Variants in PHYHIPL observed in about 807,000 individuals in gnomAD.
The protein encoded by PHYHIPL is phytanoyl-CoA 2-hydroxylase interacting protein like.
PHYHIPL carries 9 observed loss-of-function variants against 33.4 expected under a neutral mutation model. The observed-to-expected ratio is 0.27, with a 90% CI of 0.16 to 0.47. The LOEUF (loss-of-function observed/expected upper bound fraction) is 0.47. Among genes scored for constraint, PHYHIPL ranks in the 20% least tolerant of loss-of-function variants. The probability of loss-of-function intolerance (pLI) is 0.99; values close to 1 mark genes in which losing one functional copy is unlikely to be tolerated. For synonymous variants in PHYHIPL, 153 were observed against 154.1 expected, an observed-to-expected ratio of 0.99 and a Z score of 0.05; for missense variants, 365 against 460.7, an observed-to-expected ratio of 0.79 and a Z score of 1.90.
intron 1 of PHYHIPL, among the ~76,000 whole-genome samples, chr10:59,220,099 C>T (rs905087711): frequency 2.6e-5 from 4 of 151,960 alleles, no homozygotes; most frequent in Non-Finnish European, 5.9e-5. Flanking sequence ...GCCCCTTTTC[C>T]TGTTTTATTT....
At chr10:59,184,448 T>C (rs1044554826) in intron 1 of PHYHIPL, among the ~76,000 whole-genome samples, 2 of 152,140 alleles carry the variant, frequency 1.3e-5, no homozygotes, top group African/African-American at 2.4e-5. Context: ...GGGAAAAAAC[T>C]GTGTACTCAT....
chr10:59,185,726 C>T (rs979302777), intron 1 of PHYHIPL, among the ~76,000 whole-genome samples: 4 of 152,172 alleles, frequency 2.6e-5, no homozygotes, highest in Non-Finnish European at 4.4e-5. Context: ...TAATGATGAG[C>T]ATTTTTTCAT....
At chr10:59,193,822 C>G (rs1457053777) in intron 1 of PHYHIPL, among the ~76,000 whole-genome samples, 3 of 152,020 alleles carry the variant, frequency 2.0e-5, no homozygotes, top group Non-Finnish European at 4.4e-5. Flanking sequence ...TAGCTTGATA[C>G]AACTTTTTTG....
chr10:59,202,420 G>A (rs1839147397), intron 1 of PHYHIPL, among the ~76,000 whole-genome samples: 1 of 152,144 alleles, frequency 6.6e-6, no homozygotes, highest in East Asian at 1.9e-4. Flanking sequence ...AAAATTTGAA[G>A]CATTAGAGTA....
intron 1 of PHYHIPL, among the ~76,000 whole-genome samples, chr10:59,178,845 A>G (rs1490559867): frequency 6.6e-6 from 1 of 152,126 alleles, no homozygotes; most frequent in African/African-American, 2.4e-5. Flanking sequence ...CAAATTAGGA[A>G]TCCCACAAAA....
At chr10:59,180,326 A>G (rs1276156540) in intron 1 of PHYHIPL, among the ~76,000 whole-genome samples, 511 of 45,328 alleles carry the variant, frequency 0.011, 11 homozygotes, top group African/African-American at 0.033. Context: ...ATATATATAT[A>G]TATATATATA....
chr10:59,182,849 G>A (rs1589255881), intron 1 of PHYHIPL, among the ~76,000 whole-genome samples: 1 of 152,118 alleles, frequency 6.6e-6, no homozygotes, highest in African/African-American at 2.4e-5. Context: ...AGGCAACATG[G>A]AAAGTGATCA....
At chr10:59,191,342 C>A (rs1299840493) in intron 1 of PHYHIPL, among the ~76,000 whole-genome samples, 1 of 151,906 alleles carries the variant, frequency 6.6e-6, no homozygotes, top group Non-Finnish European at 1.5e-5. Context: ...TTTTTGACAG[C>A]AGCTCACTCA....
At chr10:59,227,975 G>GAGAGATATATATATATATATATATAT (rs10530291) in intron 1 of PHYHIPL, among the ~76,000 whole-genome samples, 27 of 145,562 alleles carry the variant, frequency 1.9e-4, no homozygotes, top group South Asian at 6.6e-4. Flanking sequence ...TGCCTATTGA[G>GAGAGATATATATATATATATATATAT]ATATATATAT....
At chr10:59,234,044 G>A (rs1840155946) in intron 1 of PHYHIPL, among the ~76,000 whole-genome samples, 5 of 151,654 alleles carry the variant, frequency 3.3e-5, no homozygotes, top group Admixed American at 3.3e-4. Flanking sequence ...AAATTGATTG[G>A]TCATGTAGAA....
rs370517773 is a variant in PHYHIPL, at chr10:59,204,152, A to G, written c.106+27193A>G. On this transcript the variant is annotated intron_variant, in intron 1 of 4. Coordinates refer to ENST00000373880, the MANE Select transcript of PHYHIPL (RefSeq NM_032439.4). Reference sequence around the variant, plus strand: ...AACCAAGTTTCTGAAAACTTTATATAAAGAACTATTATAAGTAAAACAAAC... The same window carrying G: ...AACCAAGTTTCTGAAAACTTTATATGAAGAACTATTATAAGTAAAACAAAC... Among the ~76,000 whole-genome samples, 69 of 152,334 alleles carry G rather than the reference A, an allele frequency of 4.5e-4. 1 individual carries two copies. The East Asian group carries it at 7.5e-3, about 17-fold the overall frequency.
chr10:59,233,923 G>A (rs1348869804), intron 1 of PHYHIPL, among the ~76,000 whole-genome samples: 3 of 151,738 alleles, frequency 2.0e-5, no homozygotes, highest in Non-Finnish European at 4.4e-5. Context: ...GACTGTCACT[G>A]CTAGGTCATG....
intron 1 of PHYHIPL, among the ~76,000 whole-genome samples, chr10:59,180,196 G>T (rs1838364191): frequency 6.8e-6 from 1 of 147,572 alleles, no homozygotes; most frequent in Non-Finnish European, 1.5e-5. Context: ...AGACAAAACA[G>T]CTCCCACCCC....
At position 59,176,689 on chromosome 10, in the gene PHYHIPL, GGC is replaced by G; in HGVS notation, c.-163_-162del. 2 of 600,800 alleles carry G rather than the reference GGC, an allele frequency of 3.3e-6. No individual in the cohort carries two copies. Among genetic ancestry groups the G allele is most frequent in the South Asian group, 4.2e-5 (2 of 47,956 alleles). The allele number at this position is 600,800 out of a possible 1,614,324, so 37.2% of individuals were successfully genotyped here. Reference sequence around the variant, plus strand: ...CTCCTGCCACAGCCGTCGCCTTCGCGGCGGCTCTCCAGCCCCGCGCCTCAGCC... The same window carrying G: ...CTCCTGCCACAGCCGTCGCCTTCGCGGGCTCTCCAGCCCCGCGCCTCAGCC... On this transcript the variant is annotated 5_prime_UTR_variant, in exon 1 of 5. Coordinates refer to ENST00000373880, the MANE Select transcript of PHYHIPL (RefSeq NM_032439.4).
intron 1 of PHYHIPL, among the ~76,000 whole-genome samples, chr10:59,233,997 T>G (rs10509099): frequency 0.75 from 113,753 of 151,634 alleles, 44,714 homozygotes; most frequent in East Asian, 0.9. Context: ...GTCTATGAAA[T>G]TATCTGGCTT....
chr10:59,209,358 C>A (rs1839381566), intron 1 of PHYHIPL, among the ~76,000 whole-genome samples: 1 of 152,082 alleles, frequency 6.6e-6, no homozygotes, highest in Non-Finnish European at 1.5e-5. Context: ...AAATAAAATT[C>A]TTTACAGAGA....
intron 1 of PHYHIPL, among the ~76,000 whole-genome samples, chr10:59,200,094 T>C (rs892398799): frequency 1.5e-4 from 23 of 152,172 alleles, no homozygotes; most frequent in Non-Finnish European, 2.8e-4. Flanking sequence ...CAACATTATG[T>C]TGAATAGGAG....
At chr10:59,190,688 T>C (rs1326982094) in intron 1 of PHYHIPL, among the ~76,000 whole-genome samples, 1 of 151,886 alleles carries the variant, frequency 6.6e-6, no homozygotes, top group Non-Finnish European at 1.5e-5. Flanking sequence ...AAGAGCTGGA[T>C]AATCAAATTG....
In PHYHIPL at chr10:59,245,717, CAACT is replaced by C. The variant is rs1264209511; in HGVS notation, c.*128_*131del. Reference sequence around the variant, plus strand: ...CACATGCCACTGTCACCAAAACAAACAACTACCACTTTCCAAATTTCATTCAGAA... The same window carrying C: ...CACATGCCACTGTCACCAAAACAAACACCACTTTCCAAATTTCATTCAGAA... On this transcript the variant is annotated 3_prime_UTR_variant, in exon 5 of 5. Coordinates refer to ENST00000373880, the MANE Select transcript of PHYHIPL (RefSeq NM_032439.4). 1.8e-5 allele frequency: 19 copies of C among 1,050,616 alleles called. No homozygotes were observed. Among genetic ancestry groups the C allele is most frequent in the Non-Finnish European group, 2.4e-5 (18 of 740,550 alleles). The allele number at this position is 1,050,616 out of a possible 1,614,324, so 65.1% of individuals were successfully genotyped here.
Sources: gnomAD v4.1 joint callset for allele counts (sites outside exome capture counted in the v4.1 genomes callset) on GRCh38, gnomAD v4.1.1 for gene constraint, MANE v1.5 for transcripts, NCBI Gene and HGNC (gene_info 2026-07-23, HGNC 2026-07-21) for gene names.